RASSF3: variants seen among roughly 807,000 people sequenced by gnomAD.
RASSF3 encodes ras association domain-containing protein 3.
Under a neutral mutation model 19.9 loss-of-function variants are expected in RASSF3, and 19 were observed. That is an observed-to-expected ratio of 0.96 (90% CI 0.67 to 1.40). The LOEUF is 1.40. RASSF3 is among the 40% of genes most tolerant of loss of function. The pLI, the probability that RASSF3 is intolerant of heterozygous loss-of-function variation, is 0.00. For missense variants in RASSF3, 306 were observed against 289.8 expected, an observed-to-expected ratio of 1.06 and a Z score of -0.41; for synonymous variants, 110 against 104.2, an observed-to-expected ratio of 1.06 and a Z score of -0.34.
intron 1 of RASSF3, among the ~76,000 whole-genome samples, chr12:64,670,766 A>G (rs947607099): frequency 6.6e-6 from 1 of 152,250 alleles, no homozygotes; most frequent in Middle Eastern, 3.4e-3. Flanking sequence ...CAAAATCCAT[A>G]TTGACCTTCT....
At chr12:64,583,627 C>A (rs1442887902) in intron 2 of RASSF3, among the ~76,000 whole-genome samples, 5 of 152,194 alleles carry the variant, frequency 3.3e-5, no homozygotes, top group East Asian at 1.9e-4. Flanking sequence ...GTCTCAAAAA[C>A]AAAACAAAAC....
At chr12:64,566,588 G>T (rs1050943836) in intron 2 of RASSF3, among the ~76,000 whole-genome samples, 1 of 152,142 alleles carries the variant, frequency 6.6e-6, no homozygotes, top group Non-Finnish European at 1.5e-5. Flanking sequence ...AGGTGAAAAA[G>T]TAGAGGATAG....
At chr12:64,622,178 G>A (rs1452953460) in intron 1 of RASSF3, among the ~76,000 whole-genome samples, 1 of 151,520 alleles carries the variant, frequency 6.6e-6, no homozygotes, top group Non-Finnish European at 1.5e-5. Context: ...AGCCTCCTGA[G>A]TAGTTGGGAT....
intron 1 of RASSF3, among the ~76,000 whole-genome samples, chr12:64,525,168 C>T (rs1031070998): frequency 6.6e-6 from 1 of 152,056 alleles, no homozygotes; most frequent in South Asian, 2.1e-4. Flanking sequence ...CCCAGCTACT[C>T]GGGAGGCTGA....
chr12:64,617,411 A>G lies in RASSF3; in HGVS notation c.111+6668A>G, dbSNP rs192218540. ...ACACAGTCCCTGGCCTCTTTTGGCA[A>G]TGTTTTTAAAAAGCTTACCCAATAG... On this transcript the variant is annotated intron_variant, in intron 1 of 4. Coordinates refer to ENST00000542104, the MANE Select transcript of RASSF3 (RefSeq NM_178169.4). Among the ~76,000 whole-genome samples the G allele has an allele frequency of 1.5e-3, 221 of 152,306 alleles. 1 individual carries two copies. Among genetic ancestry groups the G allele is most frequent in the African/African-American group, 4.6e-3 (190 of 41,562 alleles).
intron 2 of RASSF3, among the ~76,000 whole-genome samples, chr12:64,583,682 A>G (rs1213708129): frequency 1.3e-5 from 2 of 152,156 alleles, no homozygotes; most frequent in Non-Finnish European, 2.9e-5. Flanking sequence ...TGCTGGCACC[A>G]GGCACACATT....
Position 64,657,803 on chromosome 12 carries a change from G to T in RASSF3, c.112-26984G>T, listed in dbSNP as rs1167896737. On this transcript the variant is annotated intron_variant, in intron 1 of 4. Transcript: ENST00000542104. ...AAATATTGTCAGGGCCAGGTGTGTT[G>T]GTTCACACCTATAATCCTAGCACTT... Among the ~76,000 whole-genome samples, 3 of 152,198 alleles carry T rather than the reference G, an allele frequency of 2.0e-5. No homozygotes were observed. The East Asian group carries it at 5.8e-4, about 29-fold the overall frequency.
At chr12:64,586,491 GAAAAAAAAAAAA>G (rs10708538) in intron 2 of RASSF3, among the ~76,000 whole-genome samples, 2 of 70,134 alleles carry the variant, frequency 2.9e-5, no homozygotes, top group Middle Eastern at 0.016. Flanking sequence ...CTCCTTCTCA[GAAAAAAAAAAAA>G]AAAAAAAAAA....
intron 1 of RASSF3, among the ~76,000 whole-genome samples, chr12:64,535,002 AC>A (rs1207539310): frequency 1.3e-4 from 20 of 152,130 alleles, no homozygotes; most frequent in African/African-American, 4.8e-4. Flanking sequence ...CATTTTATGT[AC>A]CACTAAGGAA....
chr12:64,602,766 CA>C (rs1390660281), intron 2 of RASSF3, among the ~76,000 whole-genome samples: 1 of 151,954 alleles, frequency 6.6e-6, no homozygotes, highest in East Asian at 1.9e-4. Flanking sequence ...GAAAGCCTCA[CA>C]ACTAAAGAAG....
chr12:64,594,381 C>G (rs578245682), intron 2 of RASSF3, among the ~76,000 whole-genome samples: 53 of 152,194 alleles, frequency 3.5e-4, no homozygotes, highest in African/African-American at 1.2e-3. Context: ...CTAGTACTTT[C>G]AAACCTTTTT....
intron 1 of RASSF3, among the ~76,000 whole-genome samples, chr12:64,538,027 C>T (rs1868864862): frequency 6.6e-6 from 1 of 151,652 alleles, no homozygotes; most frequent in Admixed American, 6.6e-5. Context: ...ATCACTCCGT[C>T]ACCCAGGCTG....
At chr12:64,538,280 G>A (rs903694115) in intron 1 of RASSF3, among the ~76,000 whole-genome samples, 18 of 152,060 alleles carry the variant, frequency 1.2e-4, no homozygotes, top group African/African-American at 3.4e-4. Flanking sequence ...GGCATGAGCC[G>A]CTGTGCCTGG....
At chr12:64,533,852 C>G (rs1343909917) in intron 1 of RASSF3, among the ~76,000 whole-genome samples, 2 of 152,178 alleles carry the variant, frequency 1.3e-5, no homozygotes, top group African/African-American at 4.8e-5. Context: ...GGGAGGTGCC[C>G]AGGTAACAGC....
At chr12:64,540,633 T>C (rs748002548) in intron 1 of RASSF3, among the ~76,000 whole-genome samples, 13 of 152,252 alleles carry the variant, frequency 8.5e-5, no homozygotes, top group Admixed American at 8.5e-4. Context: ...AGAACTGATA[T>C]ATGCTACAAC....
intron 1 of RASSF3, among the ~76,000 whole-genome samples, chr12:64,618,969 T>C (rs530847608): frequency 2.2e-4 from 33 of 152,300 alleles, no homozygotes; most frequent in African/African-American, 7.7e-4. Context: ...ATTAAAAAAT[T>C]GCAATTACAT....
chr12:64,638,802 C>G (rs1220060766), intron 1 of RASSF3, among the ~76,000 whole-genome samples: 1 of 152,030 alleles, frequency 6.6e-6, no homozygotes, highest in Non-Finnish European at 1.5e-5. Context: ...TAGGTTGTTT[C>G]TGTTGTTGAA....
At chr12:64,536,993 C>T (rs552545374) in intron 1 of RASSF3, among the ~76,000 whole-genome samples, 67 of 152,348 alleles carry the variant, frequency 4.4e-4, no homozygotes, top group African/African-American at 1.6e-3. Flanking sequence ...GACTTCCTGA[C>T]GGCCACATCT....
At chr12:64,635,838 T>C (rs1411662181) in intron 1 of RASSF3, among the ~76,000 whole-genome samples, 1 of 152,108 alleles carries the variant, frequency 6.6e-6, no homozygotes, top group Non-Finnish European at 1.5e-5. Context: ...TAAAAGGTTA[T>C]GGTTAAAGTA....
Sources: gnomAD v4.1 joint callset for allele counts (sites outside exome capture counted in the v4.1 genomes callset) on GRCh38, gnomAD v4.1.1 for gene constraint, MANE v1.5 for transcripts, NCBI Gene and HGNC (gene_info 2026-07-23, HGNC 2026-07-21) for gene names.